Variants in CRYBG1 observed in about 807,000 individuals in gnomAD.
CRYBG1 encodes the protein beta/gamma crystallin domain-containing protein 1.
In CRYBG1, 139 loss-of-function variants were observed where a neutral mutation model predicts 189.2. The ratio of observed to expected loss-of-function variants is 0.73; its 90% CI spans 0.64 to 0.85. CRYBG1 has a LOEUF of 0.85. Ranked by LOEUF, CRYBG1 falls within the 40% of genes least tolerant of loss-of-function variation. The pLI, the probability that CRYBG1 is intolerant of heterozygous loss-of-function variation, is 0.00. For synonymous variants in CRYBG1, 1,023 were observed against 1,017.1 expected, an observed-to-expected ratio of 1.01 and a Z score of -0.11; for missense variants, 2,611 against 2,675.8, an observed-to-expected ratio of 0.98 and a Z score of 0.53.
At position 106,520,456 on chromosome 6, in the gene CRYBG1, GC is replaced by G; in HGVS notation, c.3251del (p.Pro1084LeufsTer5). 3 of 1,614,152 alleles carry G rather than the reference GC, an allele frequency of 1.9e-6. No individual in the cohort carries two copies. Among genetic ancestry groups the G allele is most frequent in the East Asian group, 2.2e-5 (1 of 44,890 alleles). ...CAGACTGTTACAAATGGCCAGGATA[GC>G]CCTGCCAGCCTTTTGAACATTTCTG... The part of the protein sequence containing the change: ...PDQTVTNGQD[S>X]PASLLNISAG... On this transcript the variant is annotated frameshift_variant, in exon 4 of 22. Transcript: ENST00000633556. LOFTEE classifies it high-confidence loss of function.
rs552409837 is a variant in CRYBG1, at chr6:106,547,873, C to T, written c.5312+2940C>T. ...TTCTTACTGGAAATGTCGAAAGAAA[C>T]TCCCTGCTTATCAGTTTCTAGTTCT... On this transcript the variant is annotated intron_variant, in intron 13 of 21. Coordinates refer to ENST00000633556, the MANE Select transcript of CRYBG1 (RefSeq NM_001371242.2). 1.0e-3 allele frequency among the ~76,000 whole-genome samples: 159 copies of T among 152,318 alleles called. 1 individual carries two copies. Among genetic ancestry groups the T allele is most frequent in the African/African-American group, 3.8e-3 (156 of 41,566 alleles).
At chr6:106,440,572 C>CT (rs893658097) in intron 1 of CRYBG1, among the ~76,000 whole-genome samples, 3 of 152,106 alleles carry the variant, frequency 2.0e-5, no homozygotes, top group African/African-American at 7.2e-5. Flanking sequence ...CGGCCCCTTT[C>CT]TTTTTTTCTT....
At chr6:106,395,556 A>G (rs1393136737) in intron 1 of CRYBG1, among the ~76,000 whole-genome samples, 1 of 151,876 alleles carries the variant, frequency 6.6e-6, no homozygotes, top group Non-Finnish European at 1.5e-5. Flanking sequence ...TAATTTTGTT[A>G]TATAGTATTA....
At chr6:106,523,816 C>T in intron 4 of CRYBG1, among the ~76,000 whole-genome samples, 1 of 151,830 alleles carries the variant, frequency 6.6e-6, no homozygotes, top group Non-Finnish European at 1.5e-5. Context: ...TGCAACCTCT[C>T]TGCCTTCCAG....
chr6:106,366,327 G>T (rs894721101), intron 1 of CRYBG1, among the ~76,000 whole-genome samples: 1 of 152,154 alleles, frequency 6.6e-6, no homozygotes, highest in Non-Finnish European at 1.5e-5. Context: ...CTAAAGGAAA[G>T]AGTTTTAATT....
intron 1 of CRYBG1, among the ~76,000 whole-genome samples, chr6:106,434,787 C>G (rs533692922): frequency 5.3e-5 from 8 of 152,324 alleles, no homozygotes; most frequent in African/African-American, 1.7e-4. Context: ...GCCTGCAGGC[C>G]TTAGTGTGCT....
rs116311756 is a variant in CRYBG1, at chr6:106,507,747, A to G, written c.313-3683A>G. 7.0e-3 allele frequency among the ~76,000 whole-genome samples: 1,072 copies of G among 152,252 alleles called. 17 individuals carry two copies. The highest frequency in any genetic ancestry group is 0.025 in the African/African-American group (1,035 of 41,536). On this transcript the variant is annotated intron_variant, in intron 2 of 21. Transcript: ENST00000633556. ...AAACAATTCCTGGTTGAAAAGAAAT[A>G]CGTATCGCATTTAGGAAGGGGTGTT...
chr6:106,525,584 T>A (rs146968460), intron 6 of CRYBG1, among the ~76,000 whole-genome samples, 198 bp downstream of exon 6: 2 of 152,228 alleles, frequency 1.3e-5, no homozygotes, highest in South Asian at 4.1e-4. Context: ...CAGTGATATA[T>A]GTTTATGGGA....
At chr6:106,530,141 C>T in intron 7 of CRYBG1, 35 bp from the exon 8 acceptor site, 3 of 1,565,602 alleles carry the variant, frequency 1.9e-6, no homozygotes, top group Non-Finnish European at 2.6e-6. Flanking sequence ...ATACATGGTG[C>T]AATTCTTACT....
chr6:106,444,165 C>T (rs1204661508), intron 1 of CRYBG1, among the ~76,000 whole-genome samples: 2 of 152,056 alleles, frequency 1.3e-5, no homozygotes, highest in Non-Finnish European at 2.9e-5. Context: ...GGAGTATTGA[C>T]ACTGTCAAAA....
At chr6:106,389,232 A>G (rs1390035805) in intron 1 of CRYBG1, among the ~76,000 whole-genome samples, 1 of 152,048 alleles carries the variant, frequency 6.6e-6, no homozygotes, top group Non-Finnish European at 1.5e-5. Flanking sequence ...TGCCGTATAT[A>G]TTTATTGGCC....
chr6:106,440,086 C>T (rs1377238833), intron 1 of CRYBG1, among the ~76,000 whole-genome samples: 4 of 152,202 alleles, frequency 2.6e-5, no homozygotes, highest in African/African-American at 4.8e-5. Context: ...CCAGGGAAGA[C>T]GTGGGGCTGG....
chr6:106,566,535 G>A (rs554111044), intron 21 of CRYBG1, among the ~76,000 whole-genome samples: 1 of 122,104 alleles, frequency 8.2e-6, no homozygotes, highest in African/African-American at 3.2e-5. Flanking sequence ...GCAATGACAC[G>A]ATCTCGGCTC....
intron 1 of CRYBG1, among the ~76,000 whole-genome samples, chr6:106,392,346 G>T (rs998068333): frequency 2.0e-5 from 3 of 152,112 alleles, no homozygotes; most frequent in Non-Finnish European, 2.9e-5. Context: ...GGAATCTCCC[G>T]CTCTCCTCAT....
intron 1 of CRYBG1, among the ~76,000 whole-genome samples, chr6:106,383,591 GA>G (rs1195122668): frequency 2.0e-5 from 3 of 152,184 alleles, no homozygotes; most frequent in African/African-American, 7.2e-5. Context: ...TTATAGTTTT[GA>G]AAGGCTGGAC....
At chr6:106,424,992 G>A (rs1486358044) in intron 1 of CRYBG1, among the ~76,000 whole-genome samples, 1 of 152,144 alleles carries the variant, frequency 6.6e-6, no homozygotes, top group Non-Finnish European at 1.5e-5. Context: ...CTTTCTCTGA[G>A]CAAAACCTGT....
At chr6:106,510,835 GC>G in intron 2 of CRYBG1, among the ~76,000 whole-genome samples, 1 of 152,366 alleles carries the variant, frequency 6.6e-6, no homozygotes, top group South Asian at 2.1e-4. Context: ...TGGAGCTCCG[GC>G]TAAGGCGGGG....
At chr6:106,443,990 A>G (rs1562308733) in intron 1 of CRYBG1, among the ~76,000 whole-genome samples, 1 of 152,162 alleles carries the variant, frequency 6.6e-6, no homozygotes, top group Non-Finnish European at 1.5e-5. Flanking sequence ...TTTTGTATCC[A>G]TTAATATAAC....
chr6:106,540,735 A>G (rs542485884), intron 9 of CRYBG1, among the ~76,000 whole-genome samples: 192 of 151,832 alleles, frequency 1.3e-3, no homozygotes, highest in South Asian at 2.5e-3. Flanking sequence ...GGAAACCAAC[A>G]CATTCTTTTA....
Sources: allele counts gnomAD v4.1 joint callset (sites outside exome capture counted in the v4.1 genomes callset), GRCh38; gene constraint gnomAD v4.1.1; transcripts MANE v1.5; gene names NCBI Gene and HGNC (gene_info 2026-07-23, HGNC 2026-07-21).